The following SIMC1 variants were observed in gnomAD, a reference collection of about 807,000 sequenced individuals.
SIMC1 encodes the protein SUMO interacting motifs containing 1.
A neutral mutation model predicts 82.3 loss-of-function variants in SIMC1; 55 were observed. The observed-to-expected ratio is 0.67, with a 90% CI of 0.54 to 0.84. The LOEUF (loss-of-function observed/expected upper bound fraction) is 0.84, where lower values mean the gene tolerates loss of function less well. SIMC1 is among the 40% of genes least tolerant of loss of function. The pLI is 0.00. For missense variants in SIMC1, 915 were observed against 1,107.2 expected (o/e 0.83, Z 2.46); for synonymous variants, 353 against 426.3 (o/e 0.83, Z 2.12).
chr5:176,288,065 A>T (rs1763375612), intron 1 of SIMC1, among the ~76,000 whole-genome samples: 1 of 152,162 alleles, frequency 6.6e-6, no homozygotes, highest in South Asian at 2.1e-4. Context: ...AAAATGAAAA[A>T]AGCAAACATT....
intron 9 of SIMC1, among the ~76,000 whole-genome samples, chr5:176,343,230 T>C (rs553853191): frequency 1.7e-4 from 26 of 152,364 alleles, no homozygotes; most frequent in African/African-American, 5.8e-4. Context: ...TTAAAATGAT[T>C]TGTTCTGTGT....
At chr5:176,246,361 A>G (rs1174356090) in intron 1 of SIMC1, among the ~76,000 whole-genome samples, 1 of 151,156 alleles carries the variant, frequency 6.6e-6, no homozygotes, top group African/African-American at 2.4e-5. Context: ...TTTGATCAAG[A>G]TGTTTTCCCA....
At chr5:176,293,163 C>T (rs553566226) in intron 2 of SIMC1, among the ~76,000 whole-genome samples, 3 of 152,216 alleles carry the variant, frequency 2.0e-5, no homozygotes, top group Admixed American at 1.3e-4. Flanking sequence ...CAGTGCTGGG[C>T]GCAGTGGCTC....
intron 1 of SIMC1, among the ~76,000 whole-genome samples, chr5:176,250,826 T>G (rs1761625958): frequency 6.6e-6 from 1 of 152,200 alleles, no homozygotes; most frequent in African/African-American, 2.4e-5. Flanking sequence ...AATTTATTCC[T>G]CCATCCCTTT....
At chr5:176,317,218 G>C (rs952306804) in intron 5 of SIMC1, among the ~76,000 whole-genome samples, 1 of 152,108 alleles carries the variant, frequency 6.6e-6, no homozygotes, top group African/African-American at 2.4e-5. Flanking sequence ...ACAATTTATT[G>C]TATGTAAATT....
Position 176,289,846 on chromosome 5 carries a change from G to A in SIMC1, c.322G>A (p.Val108Met), listed in dbSNP as rs1187461181. ...ATGTGCCAGCCTCTCTGGCAAAGCG[G>A]TGATGGAAGGGCACGTGGACAGAAG... Reference protein sequence around the residue: ...QTCASLSGKAVMEGHVDRSSQ... With the variant: ...QTCASLSGKAMMEGHVDRSSQ... Residue 108 changes from valine (V) to methionine (M), a missense_variant, in exon 2 of 10, where the codon GTG (valine) becomes ATG (methionine). Transcript: ENST00000429602. 1 of 1,613,986 alleles carries A rather than the reference G, an allele frequency of 6.2e-7. No homozygotes were observed. Among genetic ancestry groups the A allele is most frequent in the Non-Finnish European group, 8.5e-7 (1 of 1,179,894 alleles).
chr5:176,289,623 G>C, intron 1 of SIMC1, 31 bp from the exon 2 acceptor site: 2 of 1,519,134 alleles, frequency 1.3e-6, no homozygotes, highest in Non-Finnish European at 1.8e-6. Flanking sequence ...CTCCCATCTT[G>C]ACCTCTTTTC....
chr5:176,330,463 A>AG (rs901306285), intron 7 of SIMC1, among the ~76,000 whole-genome samples: 3 of 151,986 alleles, frequency 2.0e-5, no homozygotes, highest in Non-Finnish European at 2.9e-5. Context: ...GAACTGTGTT[A>AG]GGTAAAGTAC....
chr5:176,287,084 A>G (rs946931213), intron 1 of SIMC1, among the ~76,000 whole-genome samples: 1 of 152,192 alleles, frequency 6.6e-6, no homozygotes, highest in African/African-American at 2.4e-5. Context: ...TTCCTCAAGG[A>G]TCTAGAACTA....
intron 2 of SIMC1, among the ~76,000 whole-genome samples, chr5:176,293,542 G>A (rs1763674287): frequency 1.3e-5 from 2 of 151,824 alleles, no homozygotes; most frequent in South Asian, 2.1e-4. Context: ...TCACAAGTTC[G>A]AGACCAGCCT....
Position 176,296,328 on chromosome 5 carries a change from C to G in SIMC1, c.1734+8C>G, listed in dbSNP as rs777265930. 1.9e-6 allele frequency: 3 copies of G among 1,612,896 alleles called. No individual in the cohort carries two copies. The Admixed American group carries it at 5.0e-5, about 27-fold the overall frequency. On this transcript the variant is annotated splice_region_variant and intron_variant, in intron 4 of 9. Transcript: ENST00000429602. ...TATGTCATGGAGGAAGAGGTAACAA[C>G]AATTATAAGATTATATCTTCTGTAG...
intron 1 of SIMC1, among the ~76,000 whole-genome samples, chr5:176,257,251 C>T (rs1761876173): frequency 6.6e-6 from 1 of 152,134 alleles, no homozygotes; most frequent in Non-Finnish European, 1.5e-5. Context: ...CCTGAGAATA[C>T]TCATCTCTCA....
intron 1 of SIMC1, among the ~76,000 whole-genome samples, chr5:176,262,063 C>A (rs1205823639): frequency 6.6e-6 from 1 of 151,058 alleles, no homozygotes; most frequent in Non-Finnish European, 1.5e-5. Context: ...ATGCAAAAAT[C>A]CTCAACAAAA....
At chr5:176,251,578 TTTC>T (rs1761653721) in intron 1 of SIMC1, among the ~76,000 whole-genome samples, 1 of 152,054 alleles carries the variant, frequency 6.6e-6, no homozygotes, top group African/African-American at 2.4e-5. Context: ...TGAAAATTAT[TTTC>T]TTTTCTTTTT....
chr5:176,257,368 A>G (rs1761881016), intron 1 of SIMC1, among the ~76,000 whole-genome samples: 1 of 152,024 alleles, frequency 6.6e-6, no homozygotes, highest in Non-Finnish European at 1.5e-5. Context: ...GATCAAGAAA[A>G]GAGCTCACAG....
At chr5:176,313,562 C>T (rs777672760) in intron 4 of SIMC1, 129 bp from the exon 5 acceptor site, 22 of 1,552,450 alleles carry the variant, frequency 1.4e-5, no homozygotes, top group Non-Finnish European at 1.1e-5. Context: ...CTAGGAGCCT[C>T]TCTTTTAAGC....
At chr5:176,320,331 T>TTTTTTTTATTTA (rs778620094) in intron 5 of SIMC1, among the ~76,000 whole-genome samples, 4 of 140,314 alleles carry the variant, frequency 2.9e-5, no homozygotes, top group African/African-American at 1.1e-4. Flanking sequence ...AGCCATCCTA[T>TTTTTTTTATTTA]TTTATTTATT....
intron 1 of SIMC1, among the ~76,000 whole-genome samples, chr5:176,242,879 A>G (rs1467703223): frequency 6.6e-6 from 1 of 152,072 alleles, no homozygotes; most frequent in East Asian, 1.9e-4. Flanking sequence ...GGGGACACAG[A>G]TAGTAAACAA....
At position 176,251,128 on chromosome 5, in the gene SIMC1, G is replaced by A. The variant is rs566085360; in HGVS notation, c.129+12491G>A. The stretch of plus-strand genomic sequence containing the variant: ...TACAATCTCAGCACTTTGGGAGGCC[G>A]AGGTGGGCAGATCACAAGGTCAGGA... On this transcript the variant is annotated intron_variant, in intron 1 of 9. Transcript: ENST00000429602. Among the ~76,000 whole-genome samples the A allele has an allele frequency of 7.9e-5, 12 of 152,248 alleles. No individual in the cohort carries two copies. The East Asian group carries it at 1.9e-3, about 24-fold the overall frequency.
Sources: gnomAD v4.1 joint callset for allele counts (sites outside exome capture counted in the v4.1 genomes callset) on GRCh38, gnomAD v4.1.1 for gene constraint, MANE v1.5 for transcripts, NCBI Gene and HGNC (gene_info 2026-07-23, HGNC 2026-07-21) for gene names.